Variants in PCDH15 observed in about 807,000 individuals in gnomAD.
PCDH15 encodes protocadherin related 15, also known as protocadherin-15.
A neutral mutation model predicts 178.5 loss-of-function variants in PCDH15; 129 were observed. The observed-to-expected ratio is 0.72, with a 90% CI of 0.63 to 0.84. The LOEUF (loss-of-function observed/expected upper bound fraction) is 0.84, where lower values mean the gene tolerates loss of function less well. Ranked by LOEUF, PCDH15 falls within the 40% of genes least tolerant of loss-of-function variation. The pLI, the probability that PCDH15 is intolerant of heterozygous loss-of-function variation, is 0.00. For missense variants in PCDH15, 2,230 were observed against 2,099.9 expected (o/e 1.06, Z -1.21); for synonymous variants, 800 against 732.0 (o/e 1.09, Z -1.50).
intron 25 of PCDH15, among the ~76,000 whole-genome samples, chr10:53,934,432 C>G (rs1191371182): frequency 1.3e-5 from 2 of 152,002 alleles, no homozygotes; most frequent in African/African-American, 4.8e-5. Context: ...CCAATACCCA[C>G]ATGCACAGAA....
At chr10:54,175,836 T>C (rs2047376876) in intron 13 of PCDH15, among the ~76,000 whole-genome samples, 2 of 152,166 alleles carry the variant, frequency 1.3e-5, no homozygotes, top group Admixed American at 1.3e-4. Context: ...GTTCAAAGTT[T>C]TTTCCTATGA....
At position 54,549,661 on chromosome 10, in the gene PCDH15, G is replaced by C. The variant is rs72792547; in HGVS notation, c.92-21784C>G. ...TAGTAGTATCAAACCTATACCTTTG[G>C]TATAGGTTTTTATATATGTCCACTG... On this transcript the variant is annotated intron_variant, in intron 2 of 37. Coordinates refer to ENST00000644397, the MANE Select transcript of PCDH15 (RefSeq NM_001384140.1). Among the ~76,000 whole-genome samples the C allele has an allele frequency of 8.3e-3, 1,262 of 151,308 alleles. 6 individuals are homozygous for C. The highest frequency in any genetic ancestry group is 0.013 in the Non-Finnish European group (876 of 67,692).
At chr10:55,416,147 A>G (rs1056406315) in intron 2 of PCDH15, among the ~76,000 whole-genome samples, 2 of 151,780 alleles carry the variant, frequency 1.3e-5, no homozygotes, top group Non-Finnish European at 2.9e-5. Context: ...TAAAAAAGTA[A>G]TTTCACTAGT....
intron 21 of PCDH15, chr10:53,995,378 C>A: frequency 2.0e-6 from 1 of 494,880 alleles, no homozygotes; most frequent in Non-Finnish European, 3.6e-6. Flanking sequence ...GGAGACAATT[C>A]ATATATATTT....
At chr10:53,892,028 T>TTG (rs2081598132) in intron 26 of PCDH15, among the ~76,000 whole-genome samples, 1 of 143,376 alleles carries the variant, frequency 7.0e-6, no homozygotes, top group African/African-American at 2.7e-5. Flanking sequence ...ATGTTTTTTT[T>TTG]TTTTTTTTTT....
rs536310507 is a variant in PCDH15, at chr10:54,458,832, G to C, written c.157+68980C>G. ...GGTCACGTACTAGCTGTCTGACCTT[G>C]AGCAAGTTACTTACTTAAACTTTCA... is the stretch of plus-strand genomic sequence containing the variant. On this transcript the variant is annotated intron_variant, in intron 3 of 37. Transcript: ENST00000644397. 3.3e-5 allele frequency among the ~76,000 whole-genome samples: 5 copies of C among 152,234 alleles called. No individual in the cohort carries two copies. The East Asian group carries it at 9.6e-4, about 29-fold the overall frequency.
At chr10:55,564,618 C>T (rs1445717775) in intron 2 of PCDH15, among the ~76,000 whole-genome samples, 2 of 151,576 alleles carry the variant, frequency 1.3e-5, no homozygotes, top group African/African-American at 4.8e-5. Flanking sequence ...AAAAGAGACT[C>T]ACTCTATATC....
At chr10:54,312,425 C>T (rs2133526963) in intron 8 of PCDH15, among the ~76,000 whole-genome samples, 1 of 152,192 alleles carries the variant, frequency 6.6e-6, no homozygotes, top group Admixed American at 6.6e-5. Flanking sequence ...TATAATGTGA[C>T]TTGGACACCC....
At position 54,937,937 on chromosome 10, in the gene PCDH15, A is replaced by G. The variant is rs143481223; in HGVS notation, c.-79-40437T>C. ...GTCTCATTCCTTATCTTAGGGGAAAACATTTAGTCTTTCACCTTTAAGTAA... is the reference window on the plus strand; with the variant it reads ...GTCTCATTCCTTATCTTAGGGGAAAGCATTTAGTCTTTCACCTTTAAGTAA... On this transcript the variant is annotated intron_variant, in intron 2 of 5. Coordinates refer to the PCDH15 transcript ENST00000458638. 2.4e-3 allele frequency among the ~76,000 whole-genome samples: 365 copies of G among 152,164 alleles called. 4 individuals are homozygous for G. The highest frequency in any genetic ancestry group is 0.011 in the East Asian group (59 of 5,184).
intron 2 of PCDH15, among the ~76,000 whole-genome samples, chr10:55,443,569 C>CA (rs1839245582): frequency 6.6e-6 from 1 of 152,132 alleles, no homozygotes; most frequent in African/African-American, 2.4e-5. Flanking sequence ...AAATGCAAAT[C>CA]AAAACCACAG....
intron 2 of PCDH15, among the ~76,000 whole-genome samples, chr10:55,354,689 T>A (rs1350342612): frequency 6.6e-6 from 1 of 152,102 alleles, no homozygotes. Context: ...TGCTTTCAAA[T>A]CCTGGCTGTG....
At chr10:54,910,893 C>A (rs140809587) in intron 2 of PCDH15, among the ~76,000 whole-genome samples, 3 of 152,270 alleles carry the variant, frequency 2.0e-5, no homozygotes, top group African/African-American at 4.8e-5. Flanking sequence ...GTTCACCAGA[C>A]TTCACAGTGC....
At chr10:54,205,808 A>G (rs1417059032) in intron 10 of PCDH15, among the ~76,000 whole-genome samples, 1 of 152,092 alleles carries the variant, frequency 6.6e-6, no homozygotes, top group African/African-American at 2.4e-5. Flanking sequence ...TACTATTACT[A>G]AACATACTCA....
At chr10:55,293,568 A>C (rs917467971) in intron 1 of PCDH15, among the ~76,000 whole-genome samples, 1 of 152,182 alleles carries the variant, frequency 6.6e-6, no homozygotes, top group South Asian at 2.1e-4. Context: ...CCCAAGTCAC[A>C]TCTTGAACAC....
chr10:55,101,378 G>C (rs928425123), intron 2 of PCDH15, among the ~76,000 whole-genome samples: 7 of 148,734 alleles, frequency 4.7e-5, no homozygotes, highest in Non-Finnish European at 1.0e-4. Flanking sequence ...GACAGAGCAA[G>C]ATTCCATCTC....
rs2078782649 is a variant in PCDH15, at chr10:54,482,399, G to C, written c.157+45413C>G. Among the ~76,000 whole-genome samples, 3 of 151,738 alleles carry C rather than the reference G, an allele frequency of 2.0e-5. No homozygotes were observed. The Admixed American group carries it at 2.0e-4, about 10-fold the overall frequency. On this transcript the variant is annotated intron_variant, in intron 3 of 37. Transcript: ENST00000644397. The stretch of plus-strand genomic sequence containing the variant: ...AAAGCAGATTCAAGTGATAGAGATT[G>C]ATATCCCAATTAAATTAAAAGAATG...
At chr10:54,130,449 T>C (rs2042341543) in intron 15 of PCDH15, among the ~76,000 whole-genome samples, 1 of 152,114 alleles carries the variant, frequency 6.6e-6, no homozygotes, top group South Asian at 2.1e-4. Flanking sequence ...GAAAAAAATC[T>C]ACCTATAACT....
chr10:53,920,967 A>G (rs1376570252), intron 25 of PCDH15, among the ~76,000 whole-genome samples: 1 of 152,198 alleles, frequency 6.6e-6, no homozygotes, highest in South Asian at 2.1e-4. Context: ...GGTATACAAC[A>G]TATTAAATAA....
intron 15 of PCDH15, among the ~76,000 whole-genome samples, chr10:54,104,992 T>A (rs1474536722): frequency 1.3e-4 from 19 of 151,788 alleles, no homozygotes; most frequent in Admixed American, 1.2e-3. Context: ...TCACAAGTGG[T>A]GAATCAGGAG....
Sources: gnomAD v4.1 joint callset for allele counts (sites outside exome capture counted in the v4.1 genomes callset) on GRCh38, gnomAD v4.1.1 for gene constraint, MANE v1.5 for transcripts, NCBI Gene and HGNC (gene_info 2026-07-23, HGNC 2026-07-21) for gene names.